MTRF1: variants seen among roughly 807,000 people sequenced by gnomAD.
The protein encoded by MTRF1 is peptide chain release factor 1, mitochondrial.
Under a neutral mutation model 62.9 loss-of-function variants are expected in MTRF1, and 51 were observed. That is an observed-to-expected ratio of 0.81 (90% CI 0.65 to 1.02). The LOEUF is 1.02. Among genes scored for constraint, MTRF1 ranks in the 50% least tolerant of loss-of-function variants. MTRF1 has a pLI of 0.00. For synonymous variants in MTRF1, 158 were observed against 181.9 expected, an observed-to-expected ratio of 0.87 and a Z score of 1.06; for missense variants, 446 against 530.0, an observed-to-expected ratio of 0.84 and a Z score of 1.56.
the MTRF1 span, among the ~76,000 whole-genome samples, chr13:41,302,366 A>G: frequency 3.3e-5 from 5 of 151,708 alleles, no homozygotes; most frequent in East Asian, 9.8e-4. Context: ...AAACAGGATC[A>G]GAGAGACAGG....
At chr13:41,311,775 G>C in the MTRF1 span, among the ~76,000 whole-genome samples, 3 of 152,182 alleles carry the variant, frequency 2.0e-5, no homozygotes, top group African/African-American at 7.2e-5. Flanking sequence ...CCGCTCCTCC[G>C]TGCGCTTCCT....
At chr13:41,311,484 G>GCACCTAGCCTCCCTGCCGGC in the MTRF1 span, 188 of 1,560,076 alleles carry the variant, frequency 1.2e-4, no homozygotes, top group Middle Eastern at 6.7e-4. Flanking sequence ...GAGCGCCCGG[G>GCACCTAGCCTCCCTGCCGGC]CACCTAGCCT....
At chr13:41,250,313 C>G (rs2038907024) in intron 5 of MTRF1, among the ~76,000 whole-genome samples, 1 of 151,972 alleles carries the variant, frequency 6.6e-6, no homozygotes, top group African/African-American at 2.4e-5. Flanking sequence ...GCTAACTGGT[C>G]TATCCTTCTA....
chr13:41,261,737 A>G, intron 1 of MTRF1: 1 of 948,500 alleles, frequency 1.1e-6, no homozygotes, highest in Non-Finnish European at 1.3e-6. Flanking sequence ...AGCTGGTATT[A>G]GAATGTAAGT....
chr13:41,261,874 G>T, intron 1 of MTRF1: 3 of 688,144 alleles, frequency 4.4e-6, no homozygotes, highest in Non-Finnish European at 5.4e-6. Context: ...AGTAGGGCTG[G>T]TGAAAAGCTC....
chr13:41,223,468 T>G, intron 8 of MTRF1, 114 bp from the exon 9 acceptor site: 1 of 753,574 alleles, frequency 1.3e-6, no homozygotes, highest in Non-Finnish European at 2.2e-6. Context: ...CTAAAAGACA[T>G]ATATACAAAA....
intron 7 of MTRF1, chr13:41,229,811 T>C (rs1247269481): frequency 6.6e-6 from 1 of 152,184 alleles, no homozygotes; most frequent in Non-Finnish European, 1.5e-5. Context: ...ACAAAAAGTA[T>C]AACCTCAGGA....
At chr13:41,269,006 G>A in the MTRF1 span, among the ~76,000 whole-genome samples, 4 of 147,234 alleles carry the variant, frequency 2.7e-5, no homozygotes, top group Non-Finnish European at 4.5e-5. Context: ...CTGGTTTGAC[G>A]TGACCATCCC....
In MTRF1 at chr13:41,220,570, G is replaced by A. The variant is rs995883766; in HGVS notation, c.1224+2686C>T. The stretch of plus-strand genomic sequence containing the variant: ...AGAAGTCATAATGAGAATACCAGGT[G>A]ATCTCACAGAATCCAAGGATAGGAA... On this transcript the variant is annotated intron_variant, in intron 9 of 9. Coordinates refer to ENST00000379480, the MANE Select transcript of MTRF1 (RefSeq NM_004294.4). 7.8e-6 allele frequency: 10 copies of A among 1,287,586 alleles called. No individual in the cohort carries two copies. The African/African-American group carries it at 1.5e-4, about 20-fold the overall frequency. 79.8% of individuals were successfully genotyped at this position (1,287,586 alleles called of 1,614,324 possible). A position where few individuals can be genotyped will look rare whatever the true frequency, so the allele number is the denominator to read the frequency against.
intron 2 of MTRF1, among the ~76,000 whole-genome samples, chr13:41,257,107 A>G (rs140267723): frequency 3.4e-4 from 51 of 152,204 alleles, no homozygotes; most frequent in African/African-American, 8.9e-4. Flanking sequence ...GCAAAGATAC[A>G]GACATGGGAC....
the MTRF1 span, among the ~76,000 whole-genome samples, chr13:41,271,005 C>T: frequency 6.6e-6 from 1 of 151,738 alleles, no homozygotes. Flanking sequence ...TCCCAAAGTG[C>T]TGGGATTCTA....
intron 1 of MTRF1, chr13:41,262,330 C>T (rs560851117): frequency 1.7e-5 from 2 of 118,468 alleles, no homozygotes; most frequent in Admixed American, 1.0e-4. Context: ...CAAAGCAACA[C>T]GCTGTCTCAA....
chr13:41,287,350 A>G, the MTRF1 span, among the ~76,000 whole-genome samples: 1 of 152,332 alleles, frequency 6.6e-6, no homozygotes, highest in East Asian at 1.9e-4. Context: ...TTAAACAACC[A>G]GATCTCGTGT....
chr13:41,309,762 C>T, the MTRF1 span, among the ~76,000 whole-genome samples: 909 of 152,040 alleles, frequency 6.0e-3, 11 homozygotes, highest in African/African-American at 0.02. Context: ...TTTGGAAGGC[C>T]GAGGTGGGCA....
chr13:41,308,579 C>T, the MTRF1 span, among the ~76,000 whole-genome samples: 155 of 152,206 alleles, frequency 1.0e-3, 1 homozygote, highest in African/African-American at 3.6e-3. Flanking sequence ...CTCAGTTCTC[C>T]GGGTGGGGGA....
chr13:41,299,761 A>G, the MTRF1 span, among the ~76,000 whole-genome samples: 1 of 151,900 alleles, frequency 6.6e-6, no homozygotes, highest in Admixed American at 6.6e-5. Context: ...TGATAAACTG[A>G]TATCTCCCTG....
intron 6 of MTRF1, among the ~76,000 whole-genome samples, chr13:41,237,853 CT>C (rs1258071211): frequency 1.3e-5 from 2 of 152,136 alleles, no homozygotes; most frequent in Non-Finnish European, 2.9e-5. Flanking sequence ...TTAAACATTA[CT>C]CAGTAGTTTA....
At chr13:41,227,206 G>T (rs987522357) in intron 7 of MTRF1, among the ~76,000 whole-genome samples, 4 of 151,988 alleles carry the variant, frequency 2.6e-5, no homozygotes, top group Non-Finnish European at 5.9e-5. Context: ...AGAATCGCTT[G>T]AACCTGGGAG....
At position 41,240,296 on chromosome 13, in the gene MTRF1, T is replaced by A; in HGVS notation, c.835A>T (p.Thr279Ser). 2 of 1,612,258 alleles carry A rather than the reference T, an allele frequency of 1.2e-6. No individual in the cohort carries two copies. The highest frequency in any genetic ancestry group is 1.7e-6 in the Non-Finnish European group (2 of 1,179,164). The change falls in exon 6 of 10, where the codon ACG (threonine) becomes TCG (serine). Residue 279 changes from threonine to serine, a missense_variant. Thr to Ser is a moderately conservative substitution (Grantham distance 58, BLOSUM62 1). Coordinates refer to ENST00000379480, the MANE Select transcript of MTRF1 (RefSeq NM_004294.4). Reference protein sequence around the residue: ...SSRMQRIHTGTMSVIVLPQPD... With the variant: ...SSRMQRIHTGSMSVIVLPQPD... ...TGAGGAAGGACAATAACCGACATCG[T>A]TCCTGTGTGAATGCGCTGCATCCTT... is the stretch of plus-strand genomic sequence containing the variant.
Sources: gnomAD v4.1 joint callset for allele counts (sites outside exome capture counted in the v4.1 genomes callset) on GRCh38, gnomAD v4.1.1 for gene constraint, MANE v1.5 for transcripts, NCBI Gene and HGNC (gene_info 2026-07-23, HGNC 2026-07-21) for gene names.